Variants in IRAK3 observed in about 807,000 individuals in gnomAD.
IRAK3 encodes the protein interleukin 1 receptor associated kinase 3.
A neutral mutation model predicts 56.6 loss-of-function variants in IRAK3; 57 were observed. That is an observed-to-expected ratio of 1.01 (90% CI 0.81 to 1.26). IRAK3 has a LOEUF of 1.26. Ranked by LOEUF, IRAK3 falls within the 50% of genes most tolerant of loss-of-function variation. The pLI is 0.00. For synonymous variants in IRAK3, 258 were observed against 255.7 expected (o/e 1.01, Z -0.09); for missense variants, 703 against 719.0 (o/e 0.98, Z 0.25).
chr12:66,200,251 G>A (rs1254923805), intron 1 of IRAK3, among the ~76,000 whole-genome samples: 2 of 152,154 alleles, frequency 1.3e-5, no homozygotes, highest in Non-Finnish European at 2.9e-5. Context: ...GCAGTAACAA[G>A]CAGCACCAAA....
chr12:66,203,891 A>G lies in IRAK3; in HGVS notation c.314A>G (p.Tyr105Cys), dbSNP rs748562608. Reference protein sequence around the residue: ...HRRAIHLITNYGAVLSPSEKS... With the variant: ...HRRAIHLITNCGAVLSPSEKS... Reference sequence around the variant, plus strand: ...CGAGCTATTCATTTAATTACAAACTATGGTAAATGCTGATTCTTATAATGT... The same window carrying G: ...CGAGCTATTCATTTAATTACAAACTGTGGTAAATGCTGATTCTTATAATGT... Residue 105 changes from tyrosine (Y) to cysteine (C), a missense_variant and splice_region_variant, in exon 2 of 12, where the codon TAT (tyrosine) becomes TGT (cysteine). Physicochemically the swap from Tyr to Cys is radical, Grantham distance 194. Coordinates refer to ENST00000261233, the MANE Select transcript of IRAK3 (RefSeq NM_007199.3). 6 of 1,611,278 alleles carry G rather than the reference A, an allele frequency of 3.7e-6. No homozygotes were observed. The highest frequency in any genetic ancestry group is 3.3e-5 in the Admixed American group (2 of 59,990).
intron 6 of IRAK3, among the ~76,000 whole-genome samples, chr12:66,223,398 G>A (rs1036624277): frequency 6.6e-6 from 1 of 151,952 alleles, no homozygotes; most frequent in Admixed American, 6.5e-5. Flanking sequence ...GGTGGCTCAC[G>A]CCTGTAATCC....
intron 11 of IRAK3, among the ~76,000 whole-genome samples, chr12:66,247,091 GA>G (rs2053040551): frequency 6.6e-6 from 1 of 152,042 alleles, no homozygotes; most frequent in African/African-American, 2.4e-5. Flanking sequence ...CCAACATGGC[GA>G]AACCCCATCT....
At chr12:66,245,744 C>G (rs1162230588) in intron 11 of IRAK3, among the ~76,000 whole-genome samples, 1 of 151,866 alleles carries the variant, frequency 6.6e-6, no homozygotes, top group African/African-American at 2.4e-5. Flanking sequence ...GTTGGCCAGG[C>G]TGGTCTCGAA....
chr12:66,202,419 G>A (rs1253356670), intron 1 of IRAK3, among the ~76,000 whole-genome samples: 2 of 152,120 alleles, frequency 1.3e-5, no homozygotes, highest in African/African-American at 2.4e-5. Context: ...AAATGAGCCT[G>A]GAGCACCTTG....
rs1555203513 is a variant in IRAK3 at position 66,215,788 on chromosome 12, A to AAGTGCACGTGCGCGCGCGCGCGCGCG, written c.589-1383_589-1382insAGTGCACGTGCGCGCGCGCGCGCGCG. Among the ~76,000 whole-genome samples, 165 of 131,660 alleles carry AAGTGCACGTGCGCGCGCGCGCGCGCG rather than the reference A, an allele frequency of 1.3e-3. 1 individual carries two copies. Among genetic ancestry groups the AAGTGCACGTGCGCGCGCGCGCGCGCG allele is most frequent in the African/African-American group, 2.1e-3 (76 of 35,526 alleles). The allele number at this position is 131,660 out of a possible 152,430, so 86.4% of individuals were successfully genotyped here. A position where few individuals can be genotyped will look rare whatever the true frequency, so the allele number is the denominator to read the frequency against. On this transcript the variant is annotated intron_variant, in intron 5 of 11. Transcript: ENST00000261233. ...CGCCCCCTATTTTAACCCAACATGC[A>AAGTGCACGTGCGCGCGCGCGCGCGCG]CACACACACACACACACACACACAC...
intron 6 of IRAK3, among the ~76,000 whole-genome samples, chr12:66,219,367 A>G (rs1259500577): frequency 6.6e-6 from 1 of 151,880 alleles, no homozygotes; most frequent in Non-Finnish European, 1.5e-5. Flanking sequence ...TAAGTCTCAC[A>G]AGATCTGATG....
At chr12:66,210,022 T>C in intron 3 of IRAK3, 125 bp from the exon 4 acceptor site, 3 of 649,040 alleles carry the variant, frequency 4.6e-6, no homozygotes, top group Non-Finnish European at 8.4e-6. Flanking sequence ...CTGCTAGCTT[T>C]CTTTTAAATT....
At chr12:66,200,782 T>G (rs1046593457) in intron 1 of IRAK3, among the ~76,000 whole-genome samples, 3 of 152,066 alleles carry the variant, frequency 2.0e-5, no homozygotes, top group Non-Finnish European at 4.4e-5. Flanking sequence ...CCCTAAGAAA[T>G]TAATGACCTT....
At chr12:66,200,892 C>G (rs2052500944) in intron 1 of IRAK3, among the ~76,000 whole-genome samples, 1 of 152,146 alleles carries the variant, frequency 6.6e-6, no homozygotes, top group Admixed American at 6.5e-5. Context: ...CTCACTGCAA[C>G]CTCTGCCTCC....
intron 8 of IRAK3, chr12:66,235,306 CGGGCGCGGGCGCGGGGCAGCCT>C (rs1410025369): frequency 7.3e-6 from 9 of 1,235,102 alleles, no homozygotes; most frequent in East Asian, 3.7e-5. Context: ...GCCGCGGCGG[CGGGCGCGGGCGCGGGGCAGCCT>C]GGGCGCGGGG....
chr12:66,225,677 G>A (rs1330792475), intron 6 of IRAK3, among the ~76,000 whole-genome samples: 1 of 151,882 alleles, frequency 6.6e-6, no homozygotes, highest in Non-Finnish European at 1.5e-5. Flanking sequence ...TTGTTACCTG[G>A]GCTCATAGTG....
intron 8 of IRAK3, among the ~76,000 whole-genome samples, chr12:66,240,560 C>G (rs1004619783): frequency 1.3e-5 from 2 of 151,990 alleles, no homozygotes; most frequent in Non-Finnish European, 2.9e-5. Context: ...TGAGTCTTGC[C>G]TCATCTGGTT....
intron 6 of IRAK3, among the ~76,000 whole-genome samples, chr12:66,223,646 G>C (rs575574738): frequency 2.7e-5 from 4 of 148,926 alleles, no homozygotes; most frequent in Non-Finnish European, 5.9e-5. Flanking sequence ...GCAACAGAGC[G>C]AGACTCCGTC....
rs999868295 is a variant in IRAK3 at position 66,249,004 on chromosome 12, A to G, written c.*833A>G. ...TGTTTCTTGGATCTCCCTCTTTTGA[A>G]ATCCTACCAATCATCAGAGCTCTAC... is the stretch of plus-strand genomic sequence containing the variant. On this transcript the variant is annotated 3_prime_UTR_variant, in exon 12 of 12. Coordinates refer to ENST00000261233, the MANE Select transcript of IRAK3 (RefSeq NM_007199.3). 3.3e-5 allele frequency: 5 copies of G among 152,118 alleles called. No homozygotes were observed. The highest frequency in any genetic ancestry group is 7.3e-5 in the Non-Finnish European group (5 of 68,056). 9.4% of individuals were successfully genotyped at this position (152,118 alleles called of 1,614,324 possible). A position where few individuals can be genotyped will look rare whatever the true frequency, so the allele number is the denominator to read the frequency against.
chr12:66,197,340 G>A (rs868477719), intron 1 of IRAK3: 36 of 1,022,788 alleles, frequency 3.5e-5, no homozygotes, highest in Middle Eastern at 4.7e-4. Flanking sequence ...AAGGGGACAC[G>A]TAAGGGAGAG....
intron 11 of IRAK3, 43 bp downstream of exon 11, chr12:66,245,305 C>A: frequency 6.3e-7 from 1 of 1,593,492 alleles, no homozygotes; most frequent in Non-Finnish European, 8.6e-7. Context: ...GCCCACAGAA[C>A]CATGGAAAAT....
Position 66,244,683 on chromosome 12 carries a change from T to C in IRAK3, c.1085T>C (p.Ile362Thr). ...AAAACAGATGTCTACAGCTTTGGAA[T>C]TGTGAGTACCAACTGCCAGTTAACA... The part of the protein sequence containing the change: ...SIKTDVYSFG[I>T]VIMEVLTGCR... Residue 362 changes from isoleucine to threonine, a missense_variant and splice_region_variant, in exon 9 of 12, where the codon ATT becomes ACT. Transcript: ENST00000261233. 1 of 1,611,072 alleles carries C rather than the reference T, an allele frequency of 6.2e-7. No homozygotes were observed. Among genetic ancestry groups the C allele is most frequent in the Non-Finnish European group, 8.5e-7 (1 of 1,177,190 alleles).
At position 66,226,853 on chromosome 12, in the gene IRAK3, TA is replaced by T; in HGVS notation, c.768+17del. ...GCAGTGTGTAGTAAGTTCTATCTAT[TA>T]TTCTGTCTGATCCTCTGACCCCTTG... On this transcript the variant is annotated intron_variant, in intron 7 of 11. Transcript: ENST00000261233. The T allele has an allele frequency of 7.1e-7, 1 of 1,399,886 alleles. No individual in the cohort carries two copies. 86.7% of individuals were successfully genotyped at this position (1,399,886 alleles called of 1,614,324 possible).
Sources: allele counts gnomAD v4.1 joint callset (sites outside exome capture counted in the v4.1 genomes callset), GRCh38; gene constraint gnomAD v4.1.1; transcripts MANE v1.5; gene names NCBI Gene and HGNC (gene_info 2026-07-23, HGNC 2026-07-21).